The following SETD4 variants were observed in gnomAD, a reference collection of about 807,000 sequenced individuals.
SETD4 encodes SET domain-containing protein 4.
A neutral mutation model predicts 58.3 loss-of-function variants in SETD4; 46 were observed. The ratio of observed to expected loss-of-function variants is 0.79; its 90% confidence interval spans 0.62 to 1.01. The LOEUF (loss-of-function observed/expected upper bound fraction) is 1.01. Among genes scored for constraint, SETD4 ranks in the 50% least tolerant of loss-of-function variants. SETD4 has a pLI of 0.00. For synonymous variants in SETD4, 190 were observed against 202.6 expected (o/e 0.94, Z 0.53); for missense variants, 490 against 523.3 (o/e 0.94, Z 0.62).
At chr21:36,059,855 G>T (rs1601309577) in intron 1 of SETD4, 3 of 985,380 alleles carry the variant, frequency 3.0e-6, no homozygotes, top group African/African-American at 1.7e-5. Context: ...CTCCAGAGGC[G>T]AACGGCGGCT....
At chr21:36,059,683 G>A (rs2123809419) in intron 1 of SETD4, 1 of 941,462 alleles carries the variant, frequency 1.1e-6, no homozygotes, top group East Asian at 1.2e-4. Flanking sequence ...GCGAGACTCT[G>A]TCACAAAAAA....
In SETD4 at chr21:36,058,860, C is replaced by T. The variant is rs371768628; in HGVS notation, c.29G>A (p.Arg10Gln). MQKGKGRTS[R>Q]IRRRKLCGSS... ...TCCGCAGAGTTTTCGTCTTCTGATC[C>T]GGCTTGTTCTCCCTTTTCCTTTCTG... The change falls in exon 2 of 12, where the codon CGG (arginine) becomes CAG (glutamine). Residue 10 changes from arginine to glutamine, a missense_variant. Physicochemically the swap from Arg to Gln is conservative, Grantham distance 43. Transcript: ENST00000332131. 62 of 1,601,460 alleles carry T rather than the reference C, an allele frequency of 3.9e-5. No individual in the cohort carries two copies. Among genetic ancestry groups the T allele is most frequent in the Middle Eastern group, 1.6e-4 (1 of 6,068 alleles).
rs1399611382 is a variant in SETD4 at position 36,035,030 on chromosome 21, A to T, written c.*963T>A. The stretch of plus-strand genomic sequence containing the variant: ...CGTTCATTTGGTTTCACTAGGCTCC[A>T]ATGAGAAAGGAATTTGAGTTCTTGG... On this transcript the variant is annotated 3_prime_UTR_variant, in exon 12 of 12. Coordinates refer to ENST00000332131, the MANE Select transcript of SETD4 (RefSeq NM_017438.5). The T allele has an allele frequency of 6.6e-6, 1 of 152,152 alleles. No individual in the cohort carries two copies. The highest frequency in any genetic ancestry group is 1.5e-5 in the Non-Finnish European group (1 of 68,032). The allele number at this position is 152,152 out of a possible 1,614,324, so 9.4% of individuals were successfully genotyped here.
chr21:36,058,809 A>C lies in SETD4; in HGVS notation c.73+7T>G, dbSNP rs1555876436. The C allele has an allele frequency of 2.5e-6, 4 of 1,592,720 alleles. No homozygotes were observed. Among genetic ancestry groups the C allele is most frequent in the Non-Finnish European group, 2.6e-6 (3 of 1,173,258 alleles). ...TTTCATTACTGGTACTAAAAGAAAA[A>C]CCATACCTCCTCTTGATTCAGAACT... On this transcript the variant is annotated splice_region_variant and intron_variant, in intron 2 of 11. Transcript: ENST00000332131.
intron 4 of SETD4, among the ~76,000 whole-genome samples, chr21:36,052,579 C>T (rs1443336747): frequency 1.4e-5 from 2 of 144,244 alleles, no homozygotes; most frequent in East Asian, 2.0e-4. Context: ...AAAAAAAGGA[C>T]GTTTTATCTA....
rs933842820 is a variant in SETD4, at chr21:36,050,069, G to T, written c.208-1673C>A. 1.0e-5 allele frequency: 6 copies of T among 588,354 alleles called. No homozygotes were observed. In the African/African-American group the frequency reaches 1.1e-4, roughly 11 times the overall value. The allele number at this position is 588,354 out of a possible 1,614,324, so 36.4% of individuals were successfully genotyped here. A position where few individuals can be genotyped will look rare whatever the true frequency, so the allele number is the denominator to read the frequency against. On this transcript the variant is annotated intron_variant, in intron 4 of 11. Coordinates refer to ENST00000332131, the MANE Select transcript of SETD4 (RefSeq NM_017438.5). Reference sequence around the variant, plus strand: ...CGTGGGCTGCTTCCACCTGCTAGGAGGGTGGTGCACTCTAACTCGGGGACA... The same window carrying T: ...CGTGGGCTGCTTCCACCTGCTAGGATGGTGGTGCACTCTAACTCGGGGACA...
intron 7 of SETD4, chr21:36,043,491 T>G (rs1310198872): frequency 1.7e-6 from 2 of 1,188,110 alleles, no homozygotes; most frequent in Non-Finnish European, 2.1e-6. Context: ...TATAAACATT[T>G]CCATCCTTTA....
chr21:36,058,898 G>A lies in SETD4; in HGVS notation c.-10C>T, dbSNP rs748248207. ...CTTTTCCTTTCTGCATGCTAAAACTGTAGTTTCTTTTTTCTGAAATACAGT... is the reference window on the plus strand; with the variant it reads ...CTTTTCCTTTCTGCATGCTAAAACTATAGTTTCTTTTTTCTGAAATACAGT... On this transcript the variant is annotated 5_prime_UTR_variant, in exon 2 of 12. Transcript: ENST00000332131. 3.0e-5 allele frequency: 48 copies of A among 1,576,716 alleles called. No homozygotes were observed. Among genetic ancestry groups the A allele is most frequent in the Non-Finnish European group, 3.9e-5 (45 of 1,166,540 alleles).
chr21:36,036,683 A>G (rs1462091036), intron 10 of SETD4: 2 of 931,360 alleles, frequency 2.1e-6, no homozygotes, highest in Non-Finnish European at 2.6e-6. Flanking sequence ...AACATTTACT[A>G]AATAAACACA....
chr21:36,058,088 G>A (rs1182597775), intron 2 of SETD4, among the ~76,000 whole-genome samples: 1 of 152,208 alleles, frequency 6.6e-6, no homozygotes, highest in Non-Finnish European at 1.5e-5. Context: ...ACCAGAAAAA[G>A]AAAGTTGGGA....
rs775552406 is a variant in SETD4, at chr21:36,058,849, G to A, written c.40C>T (p.Arg14Ter). Residue 14 changes from arginine to a stop codon, truncating the protein, a stop_gained, in exon 2 of 12, where the codon CGA becomes TGA. Transcript: ENST00000332131. LOFTEE classifies it high-confidence loss of function. ...GKGRTSRIRR[R>*]KLCGSSESRG... ...GATTCAGAACTTCCGCAGAGTTTTC[G>A]TCTTCTGATCCGGCTTGTTCTCCCT... 1.3e-5 allele frequency: 21 copies of A among 1,601,994 alleles called. No individual in the cohort carries two copies. Among genetic ancestry groups the A allele is most frequent in the African/African-American group, 2.7e-5 (2 of 74,472 alleles).
intron 7 of SETD4, 170 bp from the exon 8 acceptor site, chr21:36,042,058 C>T (rs1231715288): frequency 2.5e-5 from 12 of 482,626 alleles, no homozygotes; most frequent in Non-Finnish European, 4.1e-5. Flanking sequence ...TCAGTCACAT[C>T]AGTACTGAGT....
intron 9 of SETD4, among the ~76,000 whole-genome samples, chr21:36,039,632 C>T (rs1419275671): frequency 6.6e-6 from 1 of 152,228 alleles, no homozygotes; most frequent in Non-Finnish European, 1.5e-5. Context: ...GGTACGTTTG[C>T]ATGCACCTCA....
At chr21:36,045,400 G>A (rs996839071) in intron 6 of SETD4, among the ~76,000 whole-genome samples, 182 bp downstream of exon 6, 2 of 152,188 alleles carry the variant, frequency 1.3e-5, no homozygotes, top group Non-Finnish European at 2.9e-5. Context: ...CAAGCACTGC[G>A]GGAGGGATAG....
rs751557100 is a variant in SETD4 at position 36,048,389 on chromosome 21, T to C, written c.215A>G (p.Gln72Arg). 1 of 1,614,124 alleles carries C rather than the reference T, an allele frequency of 6.2e-7. No homozygotes were observed. Among genetic ancestry groups the C allele is most frequent in the South Asian group, 1.1e-5 (1 of 91,078 alleles). Residue 72 changes from glutamine to arginine, a missense_variant, in exon 5 of 12, where the codon CAG becomes CGG. Physicochemically the swap from Gln to Arg is conservative, Grantham distance 43. Transcript: ENST00000332131. Reference sequence around the variant, plus strand: ...ACTCTCAGGCAACGAAATAATCATCTGTCCCTCCTGGCCAAAAGGAAAGTA... The same window carrying C: ...ACTCTCAGGCAACGAAATAATCATCCGTCCCTCCTGGCCAAAAGGAAAGTA... ...LMSQTSLQEG[Q>R]MIISLPESCL...
intron 5 of SETD4, 58 bp from the exon 6 acceptor site, chr21:36,046,069 CCAAG>C (rs2064314948): frequency 1.2e-5 from 18 of 1,561,622 alleles, no homozygotes; most frequent in Non-Finnish European, 1.5e-5. Context: ...ACGAAATAAG[CCAAG>C]CAGTTTGTTT....
At chr21:36,053,523 C>T in intron 4 of SETD4, 60 bp downstream of exon 4, 1 of 1,571,992 alleles carries the variant, frequency 6.4e-7, no homozygotes, top group Non-Finnish European at 8.7e-7. Flanking sequence ...TTCGTTTGAA[C>T]CGCAAAAACA....
chr21:36,049,452 G>C (rs1163357970), intron 4 of SETD4, among the ~76,000 whole-genome samples: 1 of 152,186 alleles, frequency 6.6e-6, no homozygotes, highest in East Asian at 1.9e-4. Flanking sequence ...CTACTCGGGA[G>C]GCTGAGGCAG....
chr21:36,048,443 G>A (rs1601246689), intron 4 of SETD4, 47 bp from the exon 5 acceptor site: 3 of 1,544,880 alleles, frequency 1.9e-6, no homozygotes, highest in Admixed American at 1.7e-5. Flanking sequence ...CTTTGGGAAG[G>A]ACCCATGAGT....
Sources: gnomAD v4.1 joint callset for allele counts (sites outside exome capture counted in the v4.1 genomes callset) on GRCh38, gnomAD v4.1.1 for gene constraint, MANE v1.5 for transcripts, NCBI Gene and HGNC (gene_info 2026-07-23, HGNC 2026-07-21) for gene names.